Variants in TMEM63B observed in about 807,000 individuals in gnomAD.
TMEM63B encodes mechanosensitive cation channel TMEM63B.
TMEM63B carries 23 observed loss-of-function variants against 102.6 expected under a neutral mutation model. The observed-to-expected ratio is 0.22, with a 90% CI of 0.16 to 0.32. TMEM63B has a LOEUF of 0.32. TMEM63B is among the 10% of genes least tolerant of loss of function. TMEM63B has a pLI of 1.00. For synonymous variants in TMEM63B, 444 were observed against 437.0 expected (o/e 1.02, Z -0.20); for missense variants, 628 against 1,095.9 (o/e 0.57, Z 6.03).
chr6:44,136,496 G>A (rs1047575130), intron 5 of TMEM63B, 57 bp downstream of exon 5: 7 of 1,207,040 alleles, frequency 5.8e-6, no homozygotes, highest in Non-Finnish European at 7.2e-6. Context: ...GGGCACATGG[G>A]CTGAGAAGTC....
chr6:44,139,765 A>G lies in TMEM63B; in HGVS notation c.602+6A>G, dbSNP rs773051560. The stretch of plus-strand genomic sequence containing the variant: ...ATTGCCAACTTGAAATCAGGGTAAG[A>G]TGCGAAGCTGGTCGGCCAGGCCAAG... On this transcript the variant is annotated splice_donor_region_variant and intron_variant, in intron 8 of 23. Transcript: ENST00000323267. 6.2e-6 allele frequency: 10 copies of G among 1,614,150 alleles called. No individual in the cohort carries two copies. In the South Asian group the frequency reaches 6.6e-5, roughly 11 times the overall value.
rs1258014961 is a variant in TMEM63B at position 44,136,372 on chromosome 6, A to T, written c.302A>T (p.Asp101Val). 5.6e-6 allele frequency: 9 copies of T among 1,613,896 alleles called. No individual in the cohort carries two copies. Among genetic ancestry groups the T allele is most frequent in the Non-Finnish European group, 7.6e-6 (9 of 1,179,986 alleles). ...AGTGTGGCTTCAGCTATGCACGGGG[A>T]CAGCCATGACCGGTATGAGCGTCTC... Reference protein sequence around the residue: ...QEYVASAMHGDSHDRYERLTS... With the variant: ...QEYVASAMHGVSHDRYERLTS... The change falls in exon 5 of 24, where the codon GAC becomes GTC. Residue 101 changes from aspartate to valine, a missense_variant. Physicochemically the swap from Asp to Val is radical, Grantham distance 152. This residue lies in a region of TMEM63B where 336 missense variants were observed against 580.3 expected (regional missense o/e 0.58). Transcript: ENST00000323267.
chr6:44,128,500 C>A (rs1258490438), intron 1 of TMEM63B, among the ~76,000 whole-genome samples: 1 of 152,254 alleles, frequency 6.6e-6, no homozygotes, highest in Non-Finnish European at 1.5e-5. Flanking sequence ...GCACCTTGTT[C>A]CCCAGAAAAG....
At chr6:44,144,011 T>A (rs1764838580) in intron 10 of TMEM63B, among the ~76,000 whole-genome samples, 1 of 152,134 alleles carries the variant, frequency 6.6e-6, no homozygotes, top group Non-Finnish European at 1.5e-5. Flanking sequence ...CCTAGTTGTG[T>A]TTCAGGGGTT....
At chr6:44,143,724 G>A (rs558001264) in intron 10 of TMEM63B, among the ~76,000 whole-genome samples, 2 of 152,204 alleles carry the variant, frequency 1.3e-5, no homozygotes, top group East Asian at 1.9e-4. Context: ...GGGACCGGAT[G>A]AACTAGTAAT....
rs992105223 is a variant in TMEM63B, at chr6:44,152,540, C to T, written c.1837-53C>T. ...CTTCCCCCTCCCTCCTTCCCTGCCC[C>T]TCTGGTCAGTCCCTGCCTCCCTGAG... On this transcript the variant is annotated intron_variant, in intron 19 of 23. Coordinates refer to ENST00000323267, the MANE Select transcript of TMEM63B (RefSeq NM_018426.3). The surrounding 1 kb of genome is among the most constrained non-coding windows in gnomAD (Gnocchi z 6.4). 6.7e-5 allele frequency: 95 copies of T among 1,413,636 alleles called. No homozygotes were observed. The highest frequency in any genetic ancestry group is 7.2e-5 in the Non-Finnish European group (73 of 1,008,950). 87.6% of individuals were successfully genotyped at this position (1,413,636 alleles called of 1,614,324 possible). A position where few individuals can be genotyped will look rare whatever the true frequency, so the allele number is the denominator to read the frequency against.
chr6:44,147,585 C>T (rs1561817583), intron 12 of TMEM63B, 85 bp downstream of exon 12: 3 of 1,537,944 alleles, frequency 2.0e-6, no homozygotes, highest in East Asian at 2.4e-5. Context: ...CAGTGAGTCC[C>T]CACCTGTCCC....
At chr6:44,127,007 A>G (rs912217897), upstream of TMEM63B, 2 of 152,268 alleles carry the variant, frequency 1.3e-5, no homozygotes, top group African/African-American at 4.8e-5. Flanking sequence ...GACGCTCCGG[A>G]GTGACCAGCG....
Position 44,139,492 on chromosome 6 carries a change from G to C in TMEM63B, c.433G>C (p.Gly145Arg). The change falls in exon 7 of 24, where the codon GGG (glycine) becomes CGG (arginine). Residue 145 changes from glycine (G) to arginine (R), a missense_variant. Physicochemically the swap from Gly to Arg is moderately radical, Grantham distance 125. Transcript: ENST00000323267. ...GGATGATGAGATCCGGGACAAATGT[G>C]GGGGCGATGCCGTGCACTACCTGTC... Reference protein sequence around the residue: ...IKDDEIRDKCGGDAVHYLSFQ... With the variant: ...IKDDEIRDKCRGDAVHYLSFQ... The C allele has an allele frequency of 6.2e-7, 1 of 1,614,078 alleles. No individual in the cohort carries two copies. The highest frequency in any genetic ancestry group is 8.5e-7 in the Non-Finnish European group (1 of 1,179,962).
At chr6:44,132,176 G>C (rs1399112204) in intron 1 of TMEM63B, 1 of 838,984 alleles carries the variant, frequency 1.2e-6, no homozygotes, top group Non-Finnish European at 1.4e-6. Context: ...CTGTAAAATG[G>C]GGATAGTGAT....
chr6:44,130,910 C>T (rs1217225316), intron 1 of TMEM63B, among the ~76,000 whole-genome samples: 3 of 151,314 alleles, frequency 2.0e-5, no homozygotes, highest in Non-Finnish European at 3.0e-5. Flanking sequence ...AGCCACCCCA[C>T]CCTGCCTACT....
rs1193223972 is a variant in TMEM63B at position 44,134,634 on chromosome 6, G to A, written c.50G>A (p.Ser17Asn). ...ATLGTTALNN[S>N]NPKDYCYSAR... The stretch of plus-strand genomic sequence containing the variant: ...CTGGGCACCACAGCCCTCAACAACA[G>A]CAACCCCAAGGACTACTGCTACAGC... The change falls in exon 2 of 24, where the codon AGC becomes AAC. Residue 17 changes from serine (S) to asparagine (N), a missense_variant. Physicochemically the swap from Ser to Asn is conservative, Grantham distance 46. Transcript: ENST00000323267. 1 of 1,614,062 alleles carries A rather than the reference G, an allele frequency of 6.2e-7. No individual in the cohort carries two copies. The highest frequency in any genetic ancestry group is 8.5e-7 in the Non-Finnish European group (1 of 1,180,038).
rs12176131 is a variant in TMEM63B, at chr6:44,147,342, C to T, written c.864-35C>T. ...CCCCCAAGCTGAGCCAGCCCCAGCC[C>T]CAGATGTAGGTGACCAGGCATCTGG... On this transcript the variant is annotated intron_variant, in intron 11 of 23. Coordinates refer to ENST00000323267, the MANE Select transcript of TMEM63B (RefSeq NM_018426.3). 19,876 of 1,613,950 alleles carry T rather than the reference C, an allele frequency of 0.012. 1,047 individuals are homozygous for T. The East Asian group carries it at 0.15, about 12-fold the overall frequency.
In TMEM63B at chr6:44,152,162, A is replaced by G. The variant is rs1159693251; in HGVS notation, c.1836+154A>G. On this transcript the variant is annotated intron_variant, in intron 19 of 23. Coordinates refer to ENST00000323267, the MANE Select transcript of TMEM63B (RefSeq NM_018426.3). The surrounding 1 kb of genome is among the most constrained non-coding windows in gnomAD (Gnocchi z 6.4). The stretch of plus-strand genomic sequence containing the variant: ...TGGATCCGGGCCATCCCCTTCCCAT[A>G]TCTGGGGCCTTCGTATTCTGCCATG... 6.6e-6 allele frequency among the ~76,000 whole-genome samples: 1 copy of G among 152,068 alleles called. No homozygotes were observed. The highest frequency in any genetic ancestry group is 1.9e-4 in the East Asian group (1 of 5,184).
Position 44,128,404 on chromosome 6 carries a change from G to A in TMEM63B, c.-25+726G>A, listed in dbSNP as rs191809164. Among the ~76,000 whole-genome samples the A allele has an allele frequency of 3.2e-3, 482 of 152,358 alleles. 7 individuals carry two copies. Among genetic ancestry groups the A allele is most frequent in the African/African-American group, 0.011 (468 of 41,590 alleles). On this transcript the variant is annotated intron_variant, in intron 1 of 23. Coordinates refer to ENST00000323267, the MANE Select transcript of TMEM63B (RefSeq NM_018426.3). The stretch of plus-strand genomic sequence containing the variant: ...AGATTCAGACGCGAAACCGAGAGTG[G>A]GGCAAAGGCCCTGTTGTGGGGAGGG...
chr6:44,152,114 T>C lies in TMEM63B; in HGVS notation c.1836+106T>C, dbSNP rs1766810033. ...TGAGGGGCACAGGAGGGCTGAGACT[T>C]GGGGAGTACAGTTGACTCACGGTGG... is the stretch of plus-strand genomic sequence containing the variant. On this transcript the variant is annotated intron_variant, in intron 19 of 23. Transcript: ENST00000323267. The surrounding 1 kb of genome is among the most constrained non-coding windows in gnomAD (Gnocchi z 6.4). 2.2e-6 allele frequency: 3 copies of C among 1,365,112 alleles called. No individual in the cohort carries two copies. Among genetic ancestry groups the C allele is most frequent in the Non-Finnish European group, 2.9e-6 (3 of 1,027,698 alleles). 84.6% of individuals were successfully genotyped at this position (1,365,112 alleles called of 1,614,324 possible).
At chr6:44,146,449 G>GTTTTTTTTTTTTTT (rs1241550126) in intron 10 of TMEM63B, among the ~76,000 whole-genome samples, 4 of 150,206 alleles carry the variant, frequency 2.7e-5, no homozygotes, top group South Asian at 2.1e-4. Context: ...GGAGATGTGG[G>GTTTTTTTTTTTTTT]TTTTTTTGTC....
At chr6:44,151,010 A>C (rs948998540) in intron 18 of TMEM63B, among the ~76,000 whole-genome samples, 1 of 151,676 alleles carries the variant, frequency 6.6e-6, no homozygotes, top group Admixed American at 6.6e-5. Context: ...ATCTCTAGGG[A>C]GGTCTTGGTG....
Position 44,148,288 on chromosome 6 carries a change from A to G in TMEM63B, c.1024A>G (p.Lys342Glu), listed in dbSNP as rs1263696862. Residue 342 changes from lysine to glutamate, a missense_variant, in exon 13 of 24, where the codon AAG becomes GAG. Around this residue, in one of 6 missense-constraint regions of TMEM63B, gnomAD observed 336 missense variants for 580.3 expected, o/e 0.58. Transcript: ENST00000323267. The surrounding 1 kb of genome is among the most constrained non-coding windows in gnomAD (Gnocchi z 5.1). ...AIEYYTKLEQ[K>E]LKEDYKREKE... ...TGAGTACTACACAAAGCTGGAGCAG[A>G]AGCTGAAGGAAGACTACAAGCGGGA... 6.2e-7 allele frequency: 1 copy of G among 1,614,146 alleles called. No homozygotes were observed. Among genetic ancestry groups the G allele is most frequent in the Admixed American group, 1.7e-5 (1 of 60,004 alleles).
Sources: gnomAD v4.1 joint callset for allele counts (sites outside exome capture counted in the v4.1 genomes callset) on GRCh38, gnomAD v4.1.1 for gene constraint, gnomAD v4.1.1 regional missense constraint, Gnocchi (gnomAD v3.1) non-coding constraint, MANE v1.5 for transcripts, NCBI Gene and HGNC (gene_info 2026-07-23, HGNC 2026-07-21) for gene names.